RHOG: variants seen among roughly 807,000 people sequenced by gnomAD.
RHOG encodes rho-related GTP-binding protein RhoG.
In RHOG, 1 loss-of-function variant was observed where a neutral mutation model predicts 12.3. That is an observed-to-expected ratio of 0.08 (90% CI 0.03 to 0.39). The LOEUF (loss-of-function observed/expected upper bound fraction) is 0.39, where lower values mean the gene tolerates loss of function less well. RHOG is among the 10% of genes least tolerant of loss of function. The probability of loss-of-function intolerance (pLI) is 0.99; values close to 1 mark genes in which losing one functional copy is unlikely to be tolerated. For synonymous variants in RHOG, 129 were observed against 116.0 expected, an observed-to-expected ratio of 1.11 and a Z score of -0.72; for missense variants, 114 against 266.2, an observed-to-expected ratio of 0.43 and a Z score of 3.98.
chr11:3,838,506 TCTC>T, intron 1 of RHOG, among the ~76,000 whole-genome samples: 1 of 124,046 alleles, frequency 8.1e-6, no homozygotes, highest in Middle Eastern at 4.7e-3. Flanking sequence ...TGCACATCCT[TCTC>T]TAACCTGGGC....
At chr11:3,828,871 T>G (rs577855569) in intron 1 of RHOG, among the ~76,000 whole-genome samples, 4 of 151,958 alleles carry the variant, frequency 2.6e-5, no homozygotes, top group Non-Finnish European at 5.9e-5. Flanking sequence ...CCGCCCGCCT[T>G]GGCCTCCTAA....
At chr11:3,836,357 CAAAAAAAA>C (rs61427960) in intron 1 of RHOG, among the ~76,000 whole-genome samples, 2 of 119,592 alleles carry the variant, frequency 1.7e-5, no homozygotes, top group East Asian at 5.0e-4. Flanking sequence ...ACTCCATCTC[CAAAAAAAA>C]AAAAAAAAGA....
intron 1 of RHOG, 46 bp downstream of exon 1, chr11:3,840,848 C>G (rs954652487): frequency 6.6e-6 from 1 of 152,204 alleles, no homozygotes; most frequent in Non-Finnish European, 1.5e-5. Context: ...GCCGGCCGGG[C>G]TCTCCTCCCC....
At chr11:3,840,366 G>A (rs1377761831) in intron 1 of RHOG, among the ~76,000 whole-genome samples, 1 of 152,074 alleles carries the variant, frequency 6.6e-6, no homozygotes. Context: ...GAGTGCAGAG[G>A]GCCTTGGGGC....
intron 1 of RHOG, among the ~76,000 whole-genome samples, chr11:3,831,644 C>T (rs959995552): frequency 2.0e-5 from 3 of 152,188 alleles, no homozygotes; most frequent in Non-Finnish European, 4.4e-5. Context: ...GTTTTCCTAT[C>T]CAGGAATTAG....
chr11:3,828,887 T>G (rs1172095751), intron 1 of RHOG, among the ~76,000 whole-genome samples: 3 of 152,070 alleles, frequency 2.0e-5, no homozygotes, highest in Non-Finnish European at 4.4e-5. Flanking sequence ...CCTAAAGTGC[T>G]GGGATTACAG....
chr11:3,839,959 G>C (rs1183944476), intron 1 of RHOG, among the ~76,000 whole-genome samples: 1 of 152,150 alleles, frequency 6.6e-6, no homozygotes, highest in African/African-American at 2.4e-5. Flanking sequence ...CGTATGTTTG[G>C]AGGAAAAGAG....
intron 1 of RHOG, among the ~76,000 whole-genome samples, chr11:3,828,672 G>A (rs552151349): frequency 6.9e-6 from 1 of 144,348 alleles, no homozygotes; most frequent in East Asian, 2.0e-4. Flanking sequence ...CACCCAGGCT[G>A]GAGTGCAGTG....
At chr11:3,840,234 G>T (rs981159306) in intron 1 of RHOG, among the ~76,000 whole-genome samples, 1 of 152,124 alleles carries the variant, frequency 6.6e-6, no homozygotes, top group African/African-American at 2.4e-5. Context: ...GGTCAGCTAG[G>T]AACAGCGTCT....
intron 1 of RHOG, among the ~76,000 whole-genome samples, chr11:3,832,314 G>T (rs879354924): frequency 7.2e-5 from 11 of 152,194 alleles, no homozygotes; most frequent in Non-Finnish European, 1.3e-4. Flanking sequence ...TAGTTAGTGT[G>T]GGAGCCAGAA....
intron 1 of RHOG, among the ~76,000 whole-genome samples, chr11:3,830,930 C>G (rs1197125317): frequency 6.6e-6 from 1 of 151,944 alleles, no homozygotes. Flanking sequence ...GCTACTTCCT[C>G]TTGGCCATGG....
intron 1 of RHOG, among the ~76,000 whole-genome samples, chr11:3,834,169 T>G (rs182464333): frequency 6.6e-6 from 1 of 152,318 alleles, no homozygotes; most frequent in Admixed American, 6.5e-5. Flanking sequence ...GTGATCCACC[T>G]GCCTTGGCCT....
At chr11:3,828,841 C>T (rs7929448) in intron 1 of RHOG, among the ~76,000 whole-genome samples, 76,437 of 151,072 alleles carry the variant, frequency 0.51, 19,802 homozygotes, top group Non-Finnish European at 0.57. Flanking sequence ...AGGATGGTCT[C>T]GATCTCCTGA....
At chr11:3,838,455 G>A (rs1287684516) in intron 1 of RHOG, among the ~76,000 whole-genome samples, 5 of 152,176 alleles carry the variant, frequency 3.3e-5, no homozygotes, top group African/African-American at 1.2e-4. Flanking sequence ...TGGGACTCCT[G>A]GGGTTTTTAT....
At chr11:3,835,506 CA>C (rs2090151040) in intron 1 of RHOG, among the ~76,000 whole-genome samples, 1 of 152,178 alleles carries the variant, frequency 6.6e-6, no homozygotes, top group Non-Finnish European at 1.5e-5. Flanking sequence ...TGTAGAATGA[CA>C]TACCCCTCCT....
At chr11:3,836,981 G>T (rs1275280671) in intron 1 of RHOG, among the ~76,000 whole-genome samples, 1 of 144,912 alleles carries the variant, frequency 6.9e-6, no homozygotes, top group Non-Finnish European at 1.5e-5. Context: ...CAAGGAAGCT[G>T]CCCCCTCCCC....
At chr11:3,831,413 A>T (rs993572649) in intron 1 of RHOG, among the ~76,000 whole-genome samples, 2 of 151,602 alleles carry the variant, frequency 1.3e-5, no homozygotes, top group African/African-American at 4.8e-5. Context: ...AATGAGAGAG[A>T]GTGTGTGTGT....
Position 3,828,832 on chromosome 11 carries a change from G to A in RHOG, c.-68-626C>T, listed in dbSNP as rs559996219. Among the ~76,000 whole-genome samples, 11 of 151,828 alleles carry A rather than the reference G, an allele frequency of 7.2e-5. No individual in the cohort carries two copies. In the South Asian group the frequency reaches 8.3e-4, roughly 12 times the overall value. On this transcript the variant is annotated intron_variant, in intron 1 of 1. Transcript: ENST00000351018. ...AGATGGGGTTTCACCGTGTTGGCCA[G>A]GATGGTCTCGATCTCCTGACCTCGT... is the stretch of plus-strand genomic sequence containing the variant.
At chr11:3,837,471 A>G (rs537645569) in intron 1 of RHOG, among the ~76,000 whole-genome samples, 1 of 152,214 alleles carries the variant, frequency 6.6e-6, no homozygotes, top group Non-Finnish European at 1.5e-5. Context: ...TGAGGCTGGT[A>G]AGACACAAGG....
Sources: gnomAD v4.1 joint callset for allele counts (sites outside exome capture counted in the v4.1 genomes callset) on GRCh38, gnomAD v4.1.1 for gene constraint, MANE v1.5 for transcripts, NCBI Gene and HGNC (gene_info 2026-07-23, HGNC 2026-07-21) for gene names.